Variants in GPHN observed in about 807,000 individuals in gnomAD.
The protein encoded by GPHN is gephyrin.
In GPHN, 17 loss-of-function variants were observed where a neutral mutation model predicts 95.5. The observed-to-expected ratio is 0.18, with a 90% CI of 0.12 to 0.27. The LOEUF (loss-of-function observed/expected upper bound fraction) is 0.27. Among genes scored for constraint, GPHN ranks in the 10% least tolerant of loss-of-function variants. GPHN has a pLI of 1.00. For missense variants in GPHN, 660 were observed against 978.1 expected (o/e 0.67, Z 4.34); for synonymous variants, 320 against 322.5 (o/e 0.99, Z 0.08).
At chr14:67,724,350 C>G in the GPHN span, 1 of 788,980 alleles carries the variant, frequency 1.3e-6, no homozygotes, top group Non-Finnish European at 2.2e-6. Flanking sequence ...TATGAGTCTC[C>G]TGACTGCAAC....
chr14:66,539,414 T>C (rs892909613), intron 1 of GPHN, among the ~76,000 whole-genome samples: 10 of 144,712 alleles, frequency 6.9e-5, no homozygotes, highest in Admixed American at 4.1e-4. Flanking sequence ...ACTTTCTTTT[T>C]TTTTTTTTTT....
chr14:67,380,141 A>G, the GPHN span, among the ~76,000 whole-genome samples: 1 of 151,928 alleles, frequency 6.6e-6, no homozygotes, highest in South Asian at 2.1e-4. Flanking sequence ...TCATATTTTC[A>G]TTTGCTCACT....
At chr14:67,583,713 C>G in the GPHN span, 1 of 1,587,820 alleles carries the variant, frequency 6.3e-7, no homozygotes, top group Non-Finnish European at 8.6e-7. Flanking sequence ...CAGATTTTGA[C>G]TGGTCTCTTC....
chr14:67,522,779 G>T, the GPHN span, among the ~76,000 whole-genome samples: 111 of 152,324 alleles, frequency 7.3e-4, no homozygotes, highest in African/African-American at 2.5e-3. Context: ...GTGAGGCAGT[G>T]TGCCCACTGC....
intron 4 of GPHN, among the ~76,000 whole-genome samples, chr14:66,845,851 GTGTGTGTGTC>G (rs1386843949): frequency 2.3e-4 from 34 of 150,840 alleles, no homozygotes; most frequent in Non-Finnish European, 3.4e-4. Flanking sequence ...GTGTGTGTGT[GTGTGTGTGTC>G]TGTGTGCGTG....
intron 1 of GPHN, among the ~76,000 whole-genome samples, chr14:66,547,992 A>G (rs1217393317): frequency 6.6e-6 from 1 of 152,192 alleles, no homozygotes; most frequent in Non-Finnish European, 1.5e-5. Flanking sequence ...TGCATTTTTC[A>G]CAAATTGAAG....
intron 2 of GPHN, among the ~76,000 whole-genome samples, chr14:66,717,554 G>A (rs1348562648): frequency 6.6e-6 from 1 of 152,162 alleles, no homozygotes; most frequent in Non-Finnish European, 1.5e-5. Flanking sequence ...GTGAGCTAGT[G>A]TGATTTTTGG....
chr14:67,495,969 A>ACACAGG, the GPHN span, among the ~76,000 whole-genome samples: 1 of 152,194 alleles, frequency 6.6e-6, no homozygotes, highest in South Asian at 2.1e-4. Flanking sequence ...AAGCCCTCAG[A>ACACAGG]CACAGGCACA....
chr14:67,035,536 A>G (rs1198310265), intron 10 of GPHN, among the ~76,000 whole-genome samples: 1 of 151,638 alleles, frequency 6.6e-6, no homozygotes, highest in Non-Finnish European at 1.5e-5. Flanking sequence ...ATCAGAAATA[A>G]AAGGAGACAT....
At chr14:67,551,789 C>T in the GPHN span, among the ~76,000 whole-genome samples, 2 of 151,752 alleles carry the variant, frequency 1.3e-5, no homozygotes, top group African/African-American at 2.4e-5. Context: ...CTTGGGAGAT[C>T]GAGAATCGCT....
chr14:66,754,724 A>T (rs1385743720), intron 2 of GPHN, among the ~76,000 whole-genome samples: 1 of 152,000 alleles, frequency 6.6e-6, no homozygotes, highest in Non-Finnish European at 1.5e-5. Context: ...AATTACACTA[A>T]TTTTTCCTCC....
the GPHN span, among the ~76,000 whole-genome samples, chr14:67,371,991 A>T: frequency 7.9e-5 from 12 of 152,306 alleles, no homozygotes; most frequent in Non-Finnish European, 1.8e-4. Flanking sequence ...TTGGCTGGGC[A>T]TGGTGGCTGA....
the GPHN span, chr14:67,208,085 T>C: frequency 4.2e-6 from 6 of 1,437,578 alleles, no homozygotes; most frequent in South Asian, 8.5e-5. Context: ...TTACTACTCC[T>C]CACGGGTGCT....
intron 9 of GPHN, among the ~76,000 whole-genome samples, chr14:66,972,036 G>A (rs1293643276): frequency 1.3e-5 from 2 of 152,024 alleles, no homozygotes; most frequent in African/African-American, 4.8e-5. Flanking sequence ...GGGAGGCTGA[G>A]GCAGGCGGGT....
intron 8 of GPHN, among the ~76,000 whole-genome samples, chr14:66,935,136 T>C (rs770838847): frequency 3.0e-4 from 45 of 152,190 alleles, no homozygotes; most frequent in Non-Finnish European, 2.4e-4. Flanking sequence ...TGACAACTTA[T>C]GCTTTGCAGC....
Position 67,126,271 on chromosome 14 carries a change from T to C in GPHN, c.1748+3894T>C, listed in dbSNP as rs1055821295. Among the ~76,000 whole-genome samples, 6 of 152,330 alleles carry C rather than the reference T, an allele frequency of 3.9e-5. No individual in the cohort carries two copies. In the South Asian group the frequency reaches 1.2e-3, roughly 32 times the overall value. ...AGTAACTTGCCCAGCATTATACTAC[T>C]AGTTAGTGGCAGAGATAAAAATGGA... On this transcript the variant is annotated intron_variant, in intron 17 of 22. Coordinates refer to ENST00000478722, the MANE Select transcript of GPHN (RefSeq NM_020806.5).
At chr14:67,582,064 T>C in the GPHN span, 4 of 1,607,052 alleles carry the variant, frequency 2.5e-6, no homozygotes, top group Non-Finnish European at 3.4e-6. The surrounding 1 kb of genome is among the most constrained non-coding windows in gnomAD (Gnocchi z 5.0). Flanking sequence ...TTCTCTTCTT[T>C]GTAGGCTGTA....
intron 2 of GPHN, among the ~76,000 whole-genome samples, chr14:66,718,370 G>T (rs1171525773): frequency 6.6e-6 from 1 of 152,056 alleles, no homozygotes; most frequent in African/African-American, 2.4e-5. Flanking sequence ...CCTCCCGATG[G>T]GTTCGTGGTC....
chr14:67,323,705 T>C, the GPHN span: 1 of 1,535,684 alleles, frequency 6.5e-7, no homozygotes, highest in Non-Finnish European at 8.9e-7. Flanking sequence ...TTTACAGTCA[T>C]TGAAGACTCT....
Sources: gnomAD v4.1 joint callset for allele counts (sites outside exome capture counted in the v4.1 genomes callset) on GRCh38, gnomAD v4.1.1 for gene constraint, Gnocchi (gnomAD v3.1) non-coding constraint, MANE v1.5 for transcripts, NCBI Gene and HGNC (gene_info 2026-07-23, HGNC 2026-07-21) for gene names.